Variants in MAEL observed in about 807,000 individuals in gnomAD.
MAEL encodes maelstrom spermatogenic transposon silencer, also known as protein maelstrom homolog.
A neutral mutation model predicts 62.0 loss-of-function variants in MAEL; 46 were observed. The observed-to-expected ratio is 0.74, with a 90% confidence interval of 0.59 to 0.95. The LOEUF is 0.95. MAEL is among the 40% of genes least tolerant of loss of function. The pLI is 0.00. For missense variants in MAEL, 497 were observed against 526.8 expected, an observed-to-expected ratio of 0.94 and a Z score of 0.55; for synonymous variants, 172 against 175.5, an observed-to-expected ratio of 0.98 and a Z score of 0.16.
intron 6 of MAEL, 151 bp downstream of exon 6, chr1:167,004,455 A>G: frequency 1.5e-6 from 1 of 671,288 alleles, no homozygotes; most frequent in South Asian, 3.3e-5. Flanking sequence ...AATTAGGTAT[A>G]GTGCCTATTT....
intron 8 of MAEL, among the ~76,000 whole-genome samples, chr1:167,007,595 GTGTA>G (rs749122047): frequency 0.088 from 6,362 of 72,312 alleles, 181 homozygotes; most frequent in African/African-American, 0.15. Flanking sequence ...GTGTGTGTGT[GTGTA>G]TGTACACACA....
chr1:166,996,874 T>TGG, intron 5 of MAEL, among the ~76,000 whole-genome samples: 1 of 152,302 alleles, frequency 6.6e-6, no homozygotes, highest in East Asian at 1.9e-4. Context: ...TCGCCCAGGC[T>TGG]GGAGTGCAGT....
chr1:166,984,776 A>G (rs1055000384), upstream of MAEL, among the ~76,000 whole-genome samples: 1 of 152,112 alleles, frequency 6.6e-6, no homozygotes, highest in Non-Finnish European at 1.5e-5. Context: ...GCTTTTACAC[A>G]TACTGTTCCC....
At chr1:166,978,894 T>C (rs1378031489) in intron 1 of MAEL, among the ~76,000 whole-genome samples, 1 of 152,178 alleles carries the variant, frequency 6.6e-6, no homozygotes, top group Non-Finnish European at 1.5e-5. Flanking sequence ...ATGACCTGTA[T>C]GGGACCAGAA....
chr1:166,986,945 CGTGTGTGTGTGTGTGTGTGT>C (rs58393275), upstream of MAEL, among the ~76,000 whole-genome samples: 2 of 147,030 alleles, frequency 1.4e-5, no homozygotes, highest in African/African-American at 2.5e-5. Flanking sequence ...AGGAAGGGGA[CGTGTGTGTGTGTGTGTGTGT>C]GTGTGTGTGT....
chr1:166,991,321 A>G lies in MAEL; in HGVS notation c.226-57A>G, dbSNP rs892526217. On this transcript the variant is annotated intron_variant, in intron 2 of 11. Coordinates refer to ENST00000367872, the MANE Select transcript of MAEL (RefSeq NM_032858.3). The stretch of plus-strand genomic sequence containing the variant: ...CAGTTATTTAGCTAAATTTTAATGT[A>G]TGGTCTAAAAGTGCCCAGCAAGAGT... 2.8e-5 allele frequency: 30 copies of G among 1,064,198 alleles called. No individual in the cohort carries two copies. In the African/African-American group the frequency reaches 4.4e-4, roughly 16 times the overall value. The allele number at this position is 1,064,198 out of a possible 1,614,324, so 65.9% of individuals were successfully genotyped here. A position where few individuals can be genotyped will look rare whatever the true frequency, so the allele number is the denominator to read the frequency against.
In MAEL at chr1:167,010,031, C is replaced by T. The variant is rs137881888; in HGVS notation, c.845+4634C>T. Among the ~76,000 whole-genome samples, 347 of 152,230 alleles carry T rather than the reference C, an allele frequency of 2.3e-3. 4 individuals are homozygous for T. Among genetic ancestry groups the T allele is most frequent in the African/African-American group, 8.0e-3 (331 of 41,532 alleles). ...CTATGTCCCCACCCAAATCTCACCT[C>T]GAATTGTAATCCCTATGACCCCCAT... is the stretch of plus-strand genomic sequence containing the variant. On this transcript the variant is annotated intron_variant, in intron 8 of 11. Coordinates refer to ENST00000367872, the MANE Select transcript of MAEL (RefSeq NM_032858.3).
At chr1:167,000,606 G>A (rs1219778852) in intron 5 of MAEL, among the ~76,000 whole-genome samples, 1 of 152,220 alleles carries the variant, frequency 6.6e-6, no homozygotes, top group Non-Finnish European at 1.5e-5. Context: ...TTCAAAAGAA[G>A]TTCTGTGAGT....
intron 5 of MAEL, among the ~76,000 whole-genome samples, chr1:167,001,825 A>G (rs949928336): frequency 6.6e-6 from 1 of 152,208 alleles, no homozygotes; most frequent in Non-Finnish European, 1.5e-5. Flanking sequence ...TCCATCACCC[A>G]GGCTAGAGTG....
At chr1:166,989,630 C>G in intron 1 of MAEL, 107 bp from the exon 2 acceptor site, 1 of 1,462,298 alleles carries the variant, frequency 6.8e-7, no homozygotes, top group African/African-American at 1.4e-5. Context: ...CCTGGGCAAA[C>G]CGACACCAGA....
intron 1 of MAEL, among the ~76,000 whole-genome samples, chr1:166,982,122 C>A (rs1181744499): frequency 6.6e-6 from 1 of 152,146 alleles, no homozygotes; most frequent in East Asian, 1.9e-4. Flanking sequence ...ATATTGCAAG[C>A]AGGAGGAATC....
chr1:167,011,091 A>G (rs1665153820), intron 8 of MAEL, among the ~76,000 whole-genome samples: 1 of 151,716 alleles, frequency 6.6e-6, no homozygotes, highest in African/African-American at 2.4e-5. Context: ...GCTCTGATCT[A>G]CTAGGACTGT....
chr1:167,005,538 C>T (rs1247331733), intron 8 of MAEL, 141 bp downstream of exon 8: 2 of 704,912 alleles, frequency 2.8e-6, no homozygotes, highest in Non-Finnish European at 4.5e-6. Context: ...TATAAAATTT[C>T]ATTGATAGTA....
chr1:167,015,239 T>C (rs1665339706), intron 8 of MAEL, among the ~76,000 whole-genome samples: 1 of 152,242 alleles, frequency 6.6e-6, no homozygotes, highest in African/African-American at 2.4e-5. Context: ...GTACATAGTA[T>C]GTTTATATAA....
intron 8 of MAEL, among the ~76,000 whole-genome samples, chr1:167,011,410 T>C (rs1317878087): frequency 2.0e-5 from 3 of 152,208 alleles, no homozygotes; most frequent in Non-Finnish European, 4.4e-5. Flanking sequence ...TATTTGGATT[T>C]ATGTACCATT....
upstream of MAEL, among the ~76,000 whole-genome samples, chr1:166,986,055 G>T (rs1663903887): frequency 1.3e-5 from 2 of 152,080 alleles, no homozygotes; most frequent in Non-Finnish European, 2.9e-5. Context: ...AAATACACTG[G>T]ATGGAATTAA....
intron 5 of MAEL, among the ~76,000 whole-genome samples, chr1:166,998,338 T>C (rs2102083456): frequency 6.6e-6 from 1 of 152,340 alleles, no homozygotes; most frequent in South Asian, 2.1e-4. Context: ...CTGAATATCA[T>C]TTGTTAAATT....
chr1:166,993,488 T>C (rs912443963), intron 4 of MAEL, among the ~76,000 whole-genome samples: 4 of 152,216 alleles, frequency 2.6e-5, no homozygotes, highest in African/African-American at 9.6e-5. Context: ...ACTTCATTTT[T>C]AGTTTTGTCA....
In MAEL at chr1:167,009,432, G is replaced by A. The variant is rs79097630; in HGVS notation, c.845+4035G>A. Among the ~76,000 whole-genome samples, 1,309 of 152,132 alleles carry A rather than the reference G, an allele frequency of 8.6e-3. 26 individuals carry two copies. The highest frequency in any genetic ancestry group is 0.03 in the African/African-American group (1,256 of 41,510). On this transcript the variant is annotated intron_variant, in intron 8 of 11. Coordinates refer to ENST00000367872, the MANE Select transcript of MAEL (RefSeq NM_032858.3). ...CCTTAGTTATCTGATCTTTTTGACTGGAGTTAGTTGATCATTTTGCCTGGA... is the reference window on the plus strand; with the variant it reads ...CCTTAGTTATCTGATCTTTTTGACTAGAGTTAGTTGATCATTTTGCCTGGA...
Sources: gnomAD v4.1 joint callset for allele counts (sites outside exome capture counted in the v4.1 genomes callset) on GRCh38, gnomAD v4.1.1 for gene constraint, MANE v1.5 for transcripts, NCBI Gene and HGNC (gene_info 2026-07-23, HGNC 2026-07-21) for gene names.